Variants in VANGL2 observed in about 807,000 individuals in gnomAD.
The protein encoded by VANGL2 is vang-like protein 2.
VANGL2 carries 14 observed loss-of-function variants against 50.2 expected under a neutral mutation model. That is an observed-to-expected ratio of 0.28 (90% CI 0.18 to 0.44). VANGL2 has a LOEUF of 0.44. Ranked by LOEUF, VANGL2 falls within the 20% of genes least tolerant of loss-of-function variation. VANGL2 has a pLI of 1.00. For missense variants in VANGL2, 533 were observed against 701.5 expected (o/e 0.76, Z 2.71); for synonymous variants, 295 against 297.2 (o/e 0.99, Z 0.08).
rs1651470661 is a variant in VANGL2 at position 160,426,806 on chromosome 1, A to T, written c.*1428A>T. ...GAGGACCTTTCTGATGGCTGCAATG[A>T]CTAGGCCATTCCTCTGAGTAACTCA... is the stretch of plus-strand genomic sequence containing the variant. On this transcript the variant is annotated 3_prime_UTR_variant, in exon 8 of 8. Coordinates refer to ENST00000368061, the MANE Select transcript of VANGL2 (RefSeq NM_020335.3). 1 of 152,234 alleles carries T rather than the reference A, an allele frequency of 6.6e-6. No homozygotes were observed. Among genetic ancestry groups the T allele is most frequent in the Non-Finnish European group, 1.5e-5 (1 of 68,048 alleles). The allele number at this position is 152,234 out of a possible 1,614,324, so 9.4% of individuals were successfully genotyped here. A position where few individuals can be genotyped will look rare whatever the true frequency, so the allele number is the denominator to read the frequency against.
intron 6 of VANGL2, among the ~76,000 whole-genome samples, chr1:160,421,541 A>G (rs1651275574): frequency 6.6e-6 from 1 of 152,158 alleles, no homozygotes; most frequent in Non-Finnish European, 1.5e-5. Flanking sequence ...GGCAGTTTAC[A>G]TGATGGTAGT....
chr1:160,414,820 G>A, intron 1 of VANGL2, among the ~76,000 whole-genome samples: 1 of 146,022 alleles, frequency 6.8e-6, no homozygotes, highest in Non-Finnish European at 1.5e-5. Flanking sequence ...AGGGGGTGGG[G>A]CCGGGCTCTG....
At chr1:160,410,988 G>C (rs1197393755) in intron 1 of VANGL2, among the ~76,000 whole-genome samples, 2 of 152,104 alleles carry the variant, frequency 1.3e-5, no homozygotes, top group African/African-American at 4.8e-5. Flanking sequence ...TGTGGGAGAA[G>C]CTGGGCAGCA....
intron 1 of VANGL2, among the ~76,000 whole-genome samples, chr1:160,407,020 G>A (rs1650698416): frequency 6.6e-6 from 1 of 152,170 alleles, no homozygotes; most frequent in Admixed American, 6.5e-5. Flanking sequence ...GAGCCACCAC[G>A]CCCGGCCCAG....
In VANGL2 at chr1:160,419,694, G is replaced by T; in HGVS notation, c.800+85G>T. On this transcript the variant is annotated intron_variant, in intron 4 of 7. Transcript: ENST00000368061. This position sits in a 1 kb window ranked among gnomAD's most constrained non-coding sequence, Gnocchi z 5.8. Reference sequence around the variant, plus strand: ...ACTGCTAGGGTGGGAGGGTATGATGGTGGGCTGGAGGTGATGGGCTTGGAG... The same window carrying T: ...ACTGCTAGGGTGGGAGGGTATGATGTTGGGCTGGAGGTGATGGGCTTGGAG... The T allele has an allele frequency of 6.5e-7, 1 of 1,536,894 alleles. No individual in the cohort carries two copies. Among genetic ancestry groups the T allele is most frequent in the Admixed American group, 2.0e-5 (1 of 50,626 alleles).
In VANGL2 at chr1:160,420,300, G is replaced by C. The variant is rs1015229247; in HGVS notation, c.801-111G>C. 4 of 1,424,556 alleles carry C rather than the reference G, an allele frequency of 2.8e-6. No individual in the cohort carries two copies. The Admixed American group carries it at 5.1e-5, about 18-fold the overall frequency. The allele number at this position is 1,424,556 out of a possible 1,614,324, so 88.2% of individuals were successfully genotyped here. On this transcript the variant is annotated intron_variant, in intron 4 of 7. Coordinates refer to ENST00000368061, the MANE Select transcript of VANGL2 (RefSeq NM_020335.3). Reference sequence around the variant, plus strand: ...GAGTCAGGCTTCTCGGAAGCAGCTTGTCCCTGTCCTGTGTCCTCTCCTGCC... The same window carrying C: ...GAGTCAGGCTTCTCGGAAGCAGCTTCTCCCTGTCCTGTGTCCTCTCCTGCC...
At chr1:160,406,630 T>C (rs77667162) in intron 1 of VANGL2, among the ~76,000 whole-genome samples, 3,065 of 152,168 alleles carry the variant, frequency 0.02, 99 homozygotes, top group African/African-American at 0.07. Flanking sequence ...TCACAGCCCC[T>C]AACAATGTCC....
chr1:160,427,329 G>C lies in VANGL2; in HGVS notation c.*1951G>C, dbSNP rs749898007. The C allele has an allele frequency of 2.0e-5, 3 of 152,590 alleles. No homozygotes were observed. The highest frequency in any genetic ancestry group is 2.9e-5 in the Non-Finnish European group (2 of 68,036). The allele number at this position is 152,590 out of a possible 1,614,324, so 9.5% of individuals were successfully genotyped here. ...TGTGGTCTGAGGAGCAGGTTGGGGTGGGGGAGAGGGAAAGGATTTGGGATC... is the reference window on the plus strand; with the variant it reads ...TGTGGTCTGAGGAGCAGGTTGGGGTCGGGGAGAGGGAAAGGATTTGGGATC... On this transcript the variant is annotated 3_prime_UTR_variant, in exon 8 of 8. Transcript: ENST00000368061.
intron 1 of VANGL2, among the ~76,000 whole-genome samples, chr1:160,412,817 G>A (rs1465255125): frequency 1.3e-5 from 2 of 152,216 alleles, no homozygotes; most frequent in African/African-American, 2.4e-5. Flanking sequence ...AGTCATGGAT[G>A]TTTTGGTCAA....
intron 7 of VANGL2, 109 bp from the exon 8 acceptor site, chr1:160,425,009 A>G: frequency 1.3e-6 from 2 of 1,495,684 alleles, no homozygotes; most frequent in Non-Finnish European, 1.9e-6. Context: ...TCATATGCAT[A>G]GAGTGAGCTC....
chr1:160,417,844 GCTC>G (rs1432634807), intron 3 of VANGL2, among the ~76,000 whole-genome samples: 1 of 152,040 alleles, frequency 6.6e-6, no homozygotes, highest in Non-Finnish European at 1.5e-5. Context: ...TGCCCTGGAG[GCTC>G]CTCCTCTAGC....
rs377266487 is a variant in VANGL2 at position 160,422,904 on chromosome 1, CT to C, written c.1074-1132del. 7.7e-3 allele frequency among the ~76,000 whole-genome samples: 1,071 copies of C among 138,922 alleles called. 5 individuals carry two copies. The highest frequency in any genetic ancestry group is 0.019 in the African/African-American group (729 of 37,786). 91.1% of individuals were successfully genotyped at this position (138,922 alleles called of 152,430 possible). On this transcript the variant is annotated intron_variant, in intron 6 of 7. Transcript: ENST00000368061. ...GTTGGTGTGTGTGTCTGTATGTATG[CT>C]TTTTTTTTTTTTTTTATTGAGATGG...
At chr1:160,409,108 G>A (rs188696631) in intron 1 of VANGL2, among the ~76,000 whole-genome samples, 1 of 152,192 alleles carries the variant, frequency 6.6e-6, no homozygotes, top group South Asian at 2.1e-4. Context: ...GGTGAGAAGA[G>A]GGGGCAGGAC....
At chr1:160,407,488 A>G (rs1354364502) in intron 1 of VANGL2, among the ~76,000 whole-genome samples, 1 of 152,006 alleles carries the variant, frequency 6.6e-6, no homozygotes, top group Admixed American at 6.5e-5. Flanking sequence ...CTCACACTCC[A>G]TCCTCACAGC....
intron 1 of VANGL2, among the ~76,000 whole-genome samples, chr1:160,407,965 G>A (rs142447638): frequency 1.6e-3 from 239 of 152,296 alleles, no homozygotes; most frequent in African/African-American, 5.5e-3. Flanking sequence ...TCTTCCCGCC[G>A]GCCCCCACCT....
intron 1 of VANGL2, among the ~76,000 whole-genome samples, chr1:160,404,545 C>T (rs1650587536): frequency 6.6e-6 from 1 of 152,160 alleles, no homozygotes; most frequent in South Asian, 2.1e-4. Context: ...AAACCCATAC[C>T]CATTACACAA....
At chr1:160,405,870 T>C (rs1399742857) in intron 1 of VANGL2, among the ~76,000 whole-genome samples, 1 of 152,166 alleles carries the variant, frequency 6.6e-6, no homozygotes, top group Admixed American at 6.5e-5. Flanking sequence ...TCTCAGGCAG[T>C]ACCTGGATGT....
intron 1 of VANGL2, among the ~76,000 whole-genome samples, chr1:160,408,927 C>T (rs2101951204): frequency 6.6e-6 from 1 of 152,374 alleles, no homozygotes; most frequent in South Asian, 2.1e-4. Flanking sequence ...AGCCCAGCCT[C>T]TCTGGATGGG....
chr1:160,415,323 G>C, intron 1 of VANGL2, among the ~76,000 whole-genome samples: 1 of 152,194 alleles, frequency 6.6e-6, no homozygotes, highest in East Asian at 1.9e-4. Context: ...CGGTTTCCCT[G>C]GCTGAGAATA....
Sources: allele counts gnomAD v4.1 joint callset (sites outside exome capture counted in the v4.1 genomes callset), GRCh38; gene constraint gnomAD v4.1.1; non-coding constraint Gnocchi (gnomAD v3.1); transcripts MANE v1.5; gene names NCBI Gene and HGNC (gene_info 2026-07-23, HGNC 2026-07-21).